CFAP90: variants seen among roughly 807,000 people sequenced by gnomAD.
CFAP90 encodes the protein cilia and flagella associated protein 90, also known as cilia- and flagella-associated protein 90.
chr5:7,844,017 C>T, the CFAP90 span, among the ~76,000 whole-genome samples: 18 of 152,090 alleles, frequency 1.2e-4, no homozygotes, highest in Non-Finnish European at 2.4e-4. Flanking sequence ...CTCGGTGTTT[C>T]GTACCATGTG....
chr5:7,850,823 GCCGCC>G, the CFAP90 span: 4 of 1,224,504 alleles, frequency 3.3e-6, no homozygotes, highest in Non-Finnish European at 3.1e-6. Flanking sequence ...CAGCCGCCCA[GCCGCC>G]CAGCCGCCCA....
the CFAP90 span, among the ~76,000 whole-genome samples, chr5:7,835,167 T>TA: frequency 8.5e-5 from 13 of 152,174 alleles, no homozygotes; most frequent in Admixed American, 2.6e-4. Context: ...ACTTTATTGT[T>TA]AAAAAATGCT....
the CFAP90 span, among the ~76,000 whole-genome samples, chr5:7,842,027 C>T: frequency 1.3e-5 from 2 of 152,034 alleles, no homozygotes; most frequent in Admixed American, 6.6e-5. Flanking sequence ...AGGCTTCTAG[C>T]CTCCAAAACT....
At chr5:7,846,155 C>T in the CFAP90 span, among the ~76,000 whole-genome samples, 1 of 152,000 alleles carries the variant, frequency 6.6e-6, no homozygotes, top group South Asian at 2.1e-4. Context: ...CACCATTTGC[C>T]TCAAAGGTGG....
chr5:7,833,732 CAT>C, the CFAP90 span, among the ~76,000 whole-genome samples: 301 of 152,260 alleles, frequency 2.0e-3, 2 homozygotes, highest in African/African-American at 6.8e-3. Flanking sequence ...TGATGGATCT[CAT>C]ATACGACGGT....
the CFAP90 span, among the ~76,000 whole-genome samples, chr5:7,835,877 T>C: frequency 6.6e-6 from 1 of 152,160 alleles, no homozygotes; most frequent in East Asian, 1.9e-4. Context: ...CAAAATACCA[T>C]ATAGACTGGG....
chr5:7,840,315 G>A, the CFAP90 span, among the ~76,000 whole-genome samples: 1 of 152,140 alleles, frequency 6.6e-6, no homozygotes, highest in Non-Finnish European at 1.5e-5. Flanking sequence ...CAGGCGGCCT[G>A]GGCAGATGCT....
the CFAP90 span, among the ~76,000 whole-genome samples, chr5:7,842,172 C>T: frequency 6.6e-6 from 1 of 151,844 alleles, no homozygotes. Flanking sequence ...ACTCTTACTC[C>T]CAGAAGTTGC....
At chr5:7,849,808 G>T in the CFAP90 span, among the ~76,000 whole-genome samples, 1 of 118,078 alleles carries the variant, frequency 8.5e-6, no homozygotes, top group South Asian at 2.4e-4. Flanking sequence ...CTGGTCTTCG[G>T]TTTGCAGGAG....
At chr5:7,833,614 C>T in the CFAP90 span, among the ~76,000 whole-genome samples, 1 of 151,962 alleles carries the variant, frequency 6.6e-6, no homozygotes, top group Non-Finnish European at 1.5e-5. Context: ...CATATCTGTA[C>T]ATACATGTAC....
the CFAP90 span, chr5:7,832,005 G>A: frequency 3.7e-6 from 6 of 1,611,772 alleles, no homozygotes; most frequent in Non-Finnish European, 5.1e-6. Context: ...GAAGACGTCA[G>A]CACTCCAACC....
At chr5:7,838,204 T>C in the CFAP90 span, among the ~76,000 whole-genome samples, 4 of 151,640 alleles carry the variant, frequency 2.6e-5, no homozygotes, top group Admixed American at 6.6e-5. Flanking sequence ...ATGAGAAAAA[T>C]AGGAGAAAAA....
the CFAP90 span, among the ~76,000 whole-genome samples, chr5:7,844,998 A>G: frequency 6.6e-6 from 1 of 152,324 alleles, no homozygotes; most frequent in East Asian, 1.9e-4. Flanking sequence ...TTTATAAAGA[A>G]AAAAAGGTTT....
chr5:7,846,745 T>C, the CFAP90 span, among the ~76,000 whole-genome samples: 1 of 152,166 alleles, frequency 6.6e-6, no homozygotes, highest in African/African-American at 2.4e-5. Context: ...ATTCTTCTTC[T>C]TACTTTTATT....
the CFAP90 span, among the ~76,000 whole-genome samples, chr5:7,840,142 G>A: frequency 6.6e-6 from 1 of 152,016 alleles, no homozygotes. Context: ...TAAAAAAAAA[G>A]CAAAACAAAA....
the CFAP90 span, chr5:7,835,276 CA>C: frequency 1.6e-6 from 1 of 644,152 alleles, no homozygotes; most frequent in Non-Finnish European, 2.6e-6. Context: ...GTAAAAAATA[CA>C]GTATCTATGA....
the CFAP90 span, among the ~76,000 whole-genome samples, chr5:7,834,490 AAAAT>A: frequency 6.6e-6 from 1 of 152,166 alleles, no homozygotes; most frequent in Non-Finnish European, 1.5e-5. Flanking sequence ...AAAAAAATTT[AAAAT>A]AAATGTAGTG....
chr5:7,832,848 T>C, the CFAP90 span, among the ~76,000 whole-genome samples: 6 of 152,228 alleles, frequency 3.9e-5, no homozygotes, highest in African/African-American at 1.4e-4. Context: ...AGGGCTTTTT[T>C]CTGAAAAACT....
At chr5:7,839,509 A>T in the CFAP90 span, among the ~76,000 whole-genome samples, 91 of 152,392 alleles carry the variant, frequency 6.0e-4, no homozygotes, top group African/African-American at 2.1e-3. Context: ...ATGAGAATGC[A>T]ATTACTGTTA....
Sources: gnomAD v4.1 joint callset for allele counts (sites outside exome capture counted in the v4.1 genomes callset) on GRCh38, gnomAD v4.1.1 for gene constraint, MANE v1.5 for transcripts, NCBI Gene and HGNC (gene_info 2026-07-23, HGNC 2026-07-21) for gene names.